Variants in CPAP observed in about 807,000 individuals in gnomAD.
The protein encoded by CPAP is centrosomal P4.1-associated protein.
chr13:24,914,468 C>A, the CPAP span, among the ~76,000 whole-genome samples: 1 of 152,202 alleles, frequency 6.6e-6, no homozygotes, highest in African/African-American at 2.4e-5. Flanking sequence ...AGCCCCAAAA[C>A]ACTAACAGTC....
chr13:24,907,126 A>G, the CPAP span: 15 of 1,613,990 alleles, frequency 9.3e-6, no homozygotes, highest in Admixed American at 1.7e-4. Context: ...TGCTCTTCCA[A>G]CTGAATTTGT....
chr13:24,917,755 A>G, the CPAP span, among the ~76,000 whole-genome samples: 1 of 152,254 alleles, frequency 6.6e-6, no homozygotes, highest in African/African-American at 2.4e-5. Flanking sequence ...TTTATAAAGA[A>G]ATTTATTTCT....
chr13:24,904,574 AG>A, the CPAP span, among the ~76,000 whole-genome samples: 3 of 152,224 alleles, frequency 2.0e-5, no homozygotes, highest in African/African-American at 7.2e-5. Context: ...TAAAGAAATG[AG>A]CTAAGTTATA....
chr13:24,911,883 G>T, the CPAP span: 1 of 1,591,590 alleles, frequency 6.3e-7, no homozygotes. Context: ...TAGAAATAAC[G>T]TGTCAAACAA....
At chr13:24,905,764 C>A in the CPAP span, 1 of 1,614,150 alleles carries the variant, frequency 6.2e-7, no homozygotes, top group African/African-American at 1.3e-5. Flanking sequence ...CTTTATCAGA[C>A]AAATCCAGAT....
At chr13:24,916,530 AACTAAAAACT>A in the CPAP span, among the ~76,000 whole-genome samples, 1 of 152,208 alleles carries the variant, frequency 6.6e-6, no homozygotes, top group African/African-American at 2.4e-5. Context: ...GGTTGGCAAA[AACTAAAAACT>A]AGTAATACCC....
chr13:24,894,127 G>A, the CPAP span, among the ~76,000 whole-genome samples: 3 of 152,326 alleles, frequency 2.0e-5, no homozygotes, highest in East Asian at 5.8e-4. Context: ...TAAATGGCAG[G>A]AGGACTGGCC....
At chr13:24,900,652 G>A in the CPAP span, among the ~76,000 whole-genome samples, 1,131 of 152,178 alleles carry the variant, frequency 7.4e-3, 14 homozygotes, top group African/African-American at 0.025. Context: ...CAAAAAAAAA[G>A]AGGAAGGAGG....
chr13:24,912,539 C>T, the CPAP span: 92 of 1,493,326 alleles, frequency 6.2e-5, 1 homozygote, highest in Non-Finnish European at 7.2e-5. Flanking sequence ...TAAACAGAAA[C>T]CTGCAATGAC....
chr13:24,889,539 C>A, the CPAP span: 2 of 661,980 alleles, frequency 3.0e-6, no homozygotes, highest in South Asian at 1.8e-5. Flanking sequence ...TACAACAGGC[C>A]AAAGCAAACA....
chr13:24,897,195 T>C, the CPAP span, among the ~76,000 whole-genome samples: 3 of 152,218 alleles, frequency 2.0e-5, no homozygotes, highest in Non-Finnish European at 4.4e-5. Flanking sequence ...TGAGCTGAAA[T>C]TGAGCCCCTG....
the CPAP span, among the ~76,000 whole-genome samples, chr13:24,895,854 A>G: frequency 6.6e-6 from 1 of 152,246 alleles, no homozygotes; most frequent in Non-Finnish European, 1.5e-5. Flanking sequence ...AGAAATTGCT[A>G]ACTCATCAAT....
At chr13:24,912,736 G>A in the CPAP span, 1 of 1,614,202 alleles carries the variant, frequency 6.2e-7, no homozygotes, top group Non-Finnish European at 8.5e-7. Flanking sequence ...AGGAAAGGCT[G>A]TATGGGTTTC....
chr13:24,911,912 C>G, the CPAP span: 2 of 1,613,318 alleles, frequency 1.2e-6, no homozygotes, highest in African/African-American at 1.3e-5. Context: ...AAGAAATGTG[C>G]ATTATACTGA....
At chr13:24,890,544 C>A in the CPAP span, among the ~76,000 whole-genome samples, 1 of 152,178 alleles carries the variant, frequency 6.6e-6, no homozygotes, top group African/African-American at 2.4e-5. Flanking sequence ...CTGTCAGCTT[C>A]CCTCCCTCTG....
chr13:24,924,309 C>CCT, the CPAP span, among the ~76,000 whole-genome samples: 7 of 45,858 alleles, frequency 1.5e-4, no homozygotes, highest in Non-Finnish European at 2.6e-4. Context: ...AAATGTGTAT[C>CCT]TTTAAGGATA....
chr13:24,928,019 G>A, the CPAP span, among the ~76,000 whole-genome samples: 11 of 152,310 alleles, frequency 7.2e-5, no homozygotes, highest in South Asian at 1.4e-3. Flanking sequence ...ATTCACACAC[G>A]TGACCCCTTC....
the CPAP span, chr13:24,912,042 CCTG>C: frequency 5.0e-6 from 8 of 1,613,698 alleles, no homozygotes; most frequent in East Asian, 8.9e-5. Context: ...TTCAATTGTT[CCTG>C]CTTCTTCTGT....
the CPAP span, among the ~76,000 whole-genome samples, chr13:24,890,874 G>T: frequency 6.6e-6 from 1 of 151,970 alleles, no homozygotes; most frequent in Non-Finnish European, 1.5e-5. Context: ...CAAGTATGGT[G>T]CTTCTGCAAT....
Sources: allele counts gnomAD v4.1 joint callset (sites outside exome capture counted in the v4.1 genomes callset), GRCh38; gene constraint gnomAD v4.1.1; transcripts MANE v1.5; gene names NCBI Gene and HGNC (gene_info 2026-07-23, HGNC 2026-07-21).